The following HTR7 variants were observed in gnomAD, a reference collection of about 807,000 sequenced individuals.
HTR7 encodes 5-hydroxytryptamine receptor 7.
In HTR7, 16 loss-of-function variants were observed where a neutral mutation model predicts 34.0. The observed-to-expected ratio is 0.47, with a 90% CI of 0.32 to 0.71. HTR7 has a LOEUF of 0.71. HTR7 is among the 30% of genes least tolerant of loss of function. The pLI is 0.04. For missense variants in HTR7, 504 were observed against 625.5 expected, an observed-to-expected ratio of 0.81 and a Z score of 2.07; for synonymous variants, 265 against 260.2, an observed-to-expected ratio of 1.02 and a Z score of -0.18.
At chr10:90,786,064 G>C (rs1845375590) in intron 1 of HTR7, among the ~76,000 whole-genome samples, 1 of 152,092 alleles carries the variant, frequency 6.6e-6, no homozygotes, top group African/African-American at 2.4e-5. Context: ...GCATTTCTTG[G>C]GATGGAACTT....
chr10:90,834,996 T>G (rs1033662001), intron 1 of HTR7, among the ~76,000 whole-genome samples: 3 of 152,132 alleles, frequency 2.0e-5, no homozygotes, highest in Admixed American at 6.5e-5. Context: ...CAGGAAAAAT[T>G]TGCTATTCCC....
In HTR7 at chr10:90,742,535, A is replaced by T. The variant is rs1356280637; in HGVS notation, c.1394-7T>A. On this transcript the variant is annotated splice_polypyrimidine_tract_variant and splice_region_variant and intron_variant, in intron 3 of 3. Transcript: ENST00000336152. The stretch of plus-strand genomic sequence containing the variant: ...ACAGTAGTCAGCATTTTGTCTAAAA[A>T]AAAGAGAGAGAAAAATAGAAAATAA... The T allele has an allele frequency of 6.4e-7, 1 of 1,570,186 alleles. No individual in the cohort carries two copies. Among genetic ancestry groups the T allele is most frequent in the Non-Finnish European group, 8.7e-7 (1 of 1,150,560 alleles).
intron 1 of HTR7, among the ~76,000 whole-genome samples, chr10:90,801,240 G>A (rs1845621119): frequency 1.3e-5 from 2 of 152,190 alleles, no homozygotes; most frequent in African/African-American, 2.4e-5. Flanking sequence ...CCAGCTGGCT[G>A]TAATTTCTCC....
At chr10:90,833,387 C>A (rs995487970) in intron 1 of HTR7, among the ~76,000 whole-genome samples, 18 of 152,196 alleles carry the variant, frequency 1.2e-4, no homozygotes, top group Non-Finnish European at 2.1e-4. Context: ...GCTCTGAAAG[C>A]AGACCCATGC....
intron 1 of HTR7, among the ~76,000 whole-genome samples, chr10:90,845,146 T>G (rs1348830592): frequency 6.6e-6 from 1 of 152,158 alleles, no homozygotes; most frequent in Non-Finnish European, 1.5e-5. Flanking sequence ...GATACTCAAA[T>G]GTCTAGCAAA....
At chr10:90,779,278 G>A (rs1025759190) in intron 1 of HTR7, among the ~76,000 whole-genome samples, 1 of 152,096 alleles carries the variant, frequency 6.6e-6, no homozygotes, top group Non-Finnish European at 1.5e-5. Context: ...AGAGAAAGAG[G>A]GACCAACATC....
intron 1 of HTR7, among the ~76,000 whole-genome samples, chr10:90,781,036 T>C (rs1434192549): frequency 6.6e-6 from 1 of 152,200 alleles, no homozygotes; most frequent in African/African-American, 2.4e-5. Flanking sequence ...TAGAAAACAA[T>C]ATATGACCAC....
In HTR7 at chr10:90,755,295, T is replaced by C. The variant is rs1186186052; in HGVS notation, c.540-5701A>G. Among the ~76,000 whole-genome samples the C allele has an allele frequency of 2.0e-5, 3 of 152,240 alleles. No homozygotes were observed. The East Asian group carries it at 5.8e-4, about 29-fold the overall frequency. Reference sequence around the variant, plus strand: ...TGCTAAATGAGATATGTGTGGTCTTTATATTTTAATCAAGTTGTAGATTTT... The same window carrying C: ...TGCTAAATGAGATATGTGTGGTCTTCATATTTTAATCAAGTTGTAGATTTT... On this transcript the variant is annotated intron_variant, in intron 1 of 3. Coordinates refer to ENST00000336152, the MANE Select transcript of HTR7 (RefSeq NM_019859.4).
intron 1 of HTR7, among the ~76,000 whole-genome samples, chr10:90,825,615 G>C (rs1846058899): frequency 6.6e-6 from 1 of 152,172 alleles, no homozygotes; most frequent in African/African-American, 2.4e-5. Context: ...AGATAACACA[G>C]AGAAGGAATT....
Position 90,773,925 on chromosome 10 carries a change from G to C in HTR7, c.540-24331C>G, listed in dbSNP as rs191557854. 2.0e-5 allele frequency among the ~76,000 whole-genome samples: 3 copies of C among 152,204 alleles called. No individual in the cohort carries two copies. In the East Asian group the frequency reaches 5.8e-4, roughly 29 times the overall value. On this transcript the variant is annotated intron_variant, in intron 1 of 3. Transcript: ENST00000336152. ...ACAGCAACAAACATGGGAGTGCAGA[G>C]GTGTTCTTCTTTTACAGCAATTGAA...
intron 1 of HTR7, among the ~76,000 whole-genome samples, chr10:90,789,579 T>C (rs1845434352): frequency 6.6e-6 from 1 of 152,198 alleles, no homozygotes; most frequent in Admixed American, 6.5e-5. Context: ...GCAAATGTAC[T>C]GCTGAAGGTT....
chr10:90,804,832 G>C (rs1845679617), intron 1 of HTR7, among the ~76,000 whole-genome samples: 1 of 152,022 alleles, frequency 6.6e-6, no homozygotes, highest in South Asian at 2.1e-4. Context: ...TCTGAATCCT[G>C]TCTGTTCCTC....
At chr10:90,838,860 A>C (rs1248486584) in intron 1 of HTR7, among the ~76,000 whole-genome samples, 1 of 152,096 alleles carries the variant, frequency 6.6e-6, no homozygotes, top group Non-Finnish European at 1.5e-5. Flanking sequence ...ACATTGCCCT[A>C]TTTTAATTGT....
At chr10:90,748,327 C>T (rs1181553928) in intron 2 of HTR7, among the ~76,000 whole-genome samples, 2 of 152,112 alleles carry the variant, frequency 1.3e-5, no homozygotes, top group African/African-American at 4.8e-5. Context: ...CTTGCCTCAT[C>T]CTGGCATCTC....
At chr10:90,768,201 C>T (rs1397532926) in intron 1 of HTR7, among the ~76,000 whole-genome samples, 1 of 152,008 alleles carries the variant, frequency 6.6e-6, no homozygotes, top group Non-Finnish European at 1.5e-5. Flanking sequence ...AACCTATCTA[C>T]TTTTCTGTCT....
At chr10:90,773,840 T>C (rs1253433145) in intron 1 of HTR7, among the ~76,000 whole-genome samples, 1 of 152,210 alleles carries the variant, frequency 6.6e-6, no homozygotes, top group East Asian at 1.9e-4. Context: ...ATTTCCTTTA[T>C]CCATTTGTCA....
At chr10:90,851,241 A>G (rs1030169265) in intron 1 of HTR7, among the ~76,000 whole-genome samples, 3 of 152,208 alleles carry the variant, frequency 2.0e-5, no homozygotes, top group African/African-American at 7.2e-5. Flanking sequence ...AAGACAATGG[A>G]ACAATGTTTT....
At chr10:90,801,209 G>A (rs774311429) in intron 1 of HTR7, among the ~76,000 whole-genome samples, 2 of 152,174 alleles carry the variant, frequency 1.3e-5, no homozygotes, top group Non-Finnish European at 2.9e-5. Flanking sequence ...GGATTTGGTA[G>A]CTGAAGGTCA....
chr10:90,828,921 AT>A (rs1180921774), intron 1 of HTR7, among the ~76,000 whole-genome samples: 23 of 151,968 alleles, frequency 1.5e-4, no homozygotes, highest in East Asian at 5.8e-4. Context: ...GGGGTTGAAA[AT>A]TTAAAAAAAA....
Sources: gnomAD v4.1 joint callset for allele counts (sites outside exome capture counted in the v4.1 genomes callset) on GRCh38, gnomAD v4.1.1 for gene constraint, MANE v1.5 for transcripts, NCBI Gene and HGNC (gene_info 2026-07-23, HGNC 2026-07-21) for gene names.